Variants in ANKH observed in about 807,000 individuals in gnomAD.
The protein encoded by ANKH is mineralization regulator ANKH.
In ANKH, 15 loss-of-function variants were observed where a neutral mutation model predicts 49.0. The observed-to-expected ratio is 0.31, with a 90% CI of 0.20 to 0.47. ANKH has a LOEUF of 0.47. Ranked by LOEUF, ANKH falls within the 20% of genes least tolerant of loss-of-function variation. The pLI is 1.00. For synonymous variants in ANKH, 273 were observed against 260.0 expected, an observed-to-expected ratio of 1.05 and a Z score of -0.48; for missense variants, 429 against 652.0, an observed-to-expected ratio of 0.66 and a Z score of 3.72.
intron 1 of ANKH, among the ~76,000 whole-genome samples, chr5:14,833,846 T>C (rs568812714): frequency 8.5e-5 from 13 of 152,298 alleles, no homozygotes; most frequent in South Asian, 2.1e-4. Flanking sequence ...AAGGAACTGT[T>C]GGGGCCCTGC....
At chr5:14,772,784 C>T (rs1425488274) in intron 1 of ANKH, among the ~76,000 whole-genome samples, 1 of 152,228 alleles carries the variant, frequency 6.6e-6, no homozygotes, top group Non-Finnish European at 1.5e-5. Context: ...TGGCAGTGGA[C>T]CCATCCCCGG....
chr5:14,822,968 A>T (rs1741238980), intron 1 of ANKH, among the ~76,000 whole-genome samples: 1 of 151,872 alleles, frequency 6.6e-6, no homozygotes, highest in South Asian at 2.1e-4. Context: ...CGGAAGGCGG[A>T]GCTTGCAGTG....
chr5:14,804,786 T>C (rs1299287413), intron 1 of ANKH, among the ~76,000 whole-genome samples: 1 of 152,156 alleles, frequency 6.6e-6, no homozygotes, highest in East Asian at 1.9e-4. Flanking sequence ...TCAAACAGGG[T>C]GAGACTGGAT....
At chr5:14,833,613 C>T (rs1156748059) in intron 1 of ANKH, among the ~76,000 whole-genome samples, 4 of 152,200 alleles carry the variant, frequency 2.6e-5, no homozygotes, top group African/African-American at 9.6e-5. Context: ...AAGGCTGCTG[C>T]ACCACCTCAA....
intron 1 of ANKH, among the ~76,000 whole-genome samples, chr5:14,846,784 G>C (rs574119763): frequency 6.6e-6 from 1 of 152,076 alleles, no homozygotes; most frequent in Non-Finnish European, 1.5e-5. Context: ...TTGGGATCAG[G>C]AGTTCAAGCC....
intron 2 of ANKH, among the ~76,000 whole-genome samples, chr5:14,763,812 G>A (rs775991682): frequency 6.6e-6 from 1 of 152,174 alleles, no homozygotes; most frequent in Admixed American, 6.5e-5. Flanking sequence ...TGGGAGGCTG[G>A]GCACGGTGGC....
chr5:14,722,332 C>T (rs27356), intron 8 of ANKH, among the ~76,000 whole-genome samples: 106,418 of 152,076 alleles, frequency 0.7, 39,220 homozygotes, highest in Middle Eastern at 0.88. Flanking sequence ...GTCGAGTTTG[C>T]TGTCAATATT....
chr5:14,755,511 C>G (rs1271379399), intron 4 of ANKH, among the ~76,000 whole-genome samples: 2 of 152,124 alleles, frequency 1.3e-5, no homozygotes, highest in African/African-American at 2.4e-5. Flanking sequence ...GCAGAGGGCA[C>G]CCAGGCAAGT....
At chr5:14,868,556 T>C (rs1159655097) in intron 1 of ANKH, 2 of 151,860 alleles carry the variant, frequency 1.3e-5, no homozygotes, top group Admixed American at 1.3e-4. Context: ...TGCAATACCA[T>C]GCCTGGCTAA....
chr5:14,777,746 G>C (rs1034946448), intron 1 of ANKH, among the ~76,000 whole-genome samples: 1 of 152,146 alleles, frequency 6.6e-6, no homozygotes, highest in African/African-American at 2.4e-5. Context: ...ACCCCTCCTC[G>C]CTGAGAGGAG....
chr5:14,755,773 CA>C, intron 4 of ANKH, 87 bp downstream of exon 4: 9 of 1,243,912 alleles, frequency 7.2e-6, no homozygotes, highest in Non-Finnish European at 1.1e-5. Context: ...GAGTGTACTG[CA>C]CAGTGAATGA....
rs1390867607 is a variant in ANKH, at chr5:14,769,206, A to T, written c.97-15T>A. 1.3e-6 allele frequency: 2 copies of T among 1,599,962 alleles called. No homozygotes were observed. Among genetic ancestry groups the T allele is most frequent in the East Asian group, 4.5e-5 (2 of 44,334 alleles). On this transcript the variant is annotated splice_polypyrimidine_tract_variant and intron_variant, in intron 1 of 11. Coordinates refer to ENST00000284268, the MANE Select transcript of ANKH (RefSeq NM_054027.6). The stretch of plus-strand genomic sequence containing the variant: ...CGGTTCAAGGCCTGGGAAGGGGGAA[A>T]AAAACCCACAAGCATTAGAAATGTC...
At chr5:14,858,639 A>C (rs1028199751) in intron 1 of ANKH, among the ~76,000 whole-genome samples, 1 of 151,864 alleles carries the variant, frequency 6.6e-6, no homozygotes, top group African/African-American at 2.4e-5. Context: ...TCGCTTAAAC[A>C]CAGGAGGCGG....
At chr5:14,867,660 C>T (rs941364401) in intron 1 of ANKH, among the ~76,000 whole-genome samples, 12 of 152,162 alleles carry the variant, frequency 7.9e-5, no homozygotes, top group East Asian at 7.7e-4. Flanking sequence ...CCCGGGTTCA[C>T]GCCATTCTCC....
intron 1 of ANKH, among the ~76,000 whole-genome samples, chr5:14,850,040 TA>T (rs780750763): frequency 1.4e-3 from 211 of 152,310 alleles, no homozygotes; most frequent in Non-Finnish European, 1.4e-3. Context: ...TCGCCTCACA[TA>T]AAAGGTATGT....
chr5:14,755,790 A>C, intron 4 of ANKH, 71 bp downstream of exon 4: 7 of 1,413,910 alleles, frequency 5.0e-6, no homozygotes, highest in Non-Finnish European at 7.0e-6. Context: ...AATGAATATA[A>C]ATCACACATC....
rs560173490 is a variant in ANKH at position 14,713,849 on chromosome 5, C to A, written c.1142-182G>T. The stretch of plus-strand genomic sequence containing the variant: ...CCCATCCCTGCTCCTGAGCCTAGGC[C>A]CGCCTCGGCTCCCCGCCTCCTCACA... On this transcript the variant is annotated intron_variant, in intron 9 of 11. Transcript: ENST00000284268. The surrounding 1 kb of genome is among the most constrained non-coding windows in gnomAD (Gnocchi z 4.4). Among the ~76,000 whole-genome samples the A allele has an allele frequency of 6.6e-6, 1 of 152,354 alleles. No individual in the cohort carries two copies. Among genetic ancestry groups the A allele is most frequent in the East Asian group, 1.9e-4 (1 of 5,186 alleles).
At chr5:14,869,639 T>C (rs1735758666) in intron 1 of ANKH, 1 of 152,270 alleles carries the variant, frequency 6.6e-6, no homozygotes, top group African/African-American at 2.4e-5. Flanking sequence ...TAACCTCCCT[T>C]TTGTGACTTC....
intron 5 of ANKH, among the ~76,000 whole-genome samples, chr5:14,750,729 C>G (rs77802979): frequency 6.6e-6 from 1 of 152,146 alleles, no homozygotes; most frequent in East Asian, 1.9e-4. Flanking sequence ...TCAAAGGTAT[C>G]GTGGGTCCTA....
Sources: allele counts gnomAD v4.1 joint callset (sites outside exome capture counted in the v4.1 genomes callset), GRCh38; gene constraint gnomAD v4.1.1; non-coding constraint Gnocchi (gnomAD v3.1); transcripts MANE v1.5; gene names NCBI Gene and HGNC (gene_info 2026-07-23, HGNC 2026-07-21).